Variants in PDE4D observed in about 807,000 individuals in gnomAD.
The protein encoded by PDE4D is phosphodiesterase 4D.
Under a neutral mutation model 87.4 loss-of-function variants are expected in PDE4D, and 24 were observed. That is an observed-to-expected ratio of 0.27 (90% confidence interval 0.20 to 0.39). PDE4D has a LOEUF of 0.39. Ranked by LOEUF, PDE4D falls within the 10% of genes least tolerant of loss-of-function variation. The pLI is 1.00. For missense variants in PDE4D, 714 were observed against 1,041.0 expected (o/e 0.69, Z 4.32); for synonymous variants, 384 against 383.2 (o/e 1.00, Z -0.02).
chr5:59,649,902 AACCTTTTTTTTT>A (rs1457782472), intron 1 of PDE4D, among the ~76,000 whole-genome samples: 3 of 43,794 alleles, frequency 6.9e-5, no homozygotes, highest in African/African-American at 1.8e-4. Flanking sequence ...ATAGTTTGTG[AACCTTTTTTTTT>A]TTTTTTTTTT....
chr5:59,636,523 C>A (rs1832267835), intron 1 of PDE4D, among the ~76,000 whole-genome samples: 1 of 152,166 alleles, frequency 6.6e-6, no homozygotes, highest in Non-Finnish European at 1.5e-5. Flanking sequence ...GCTACAGTAA[C>A]CACAACAGCA....
chr5:59,309,671 G>A (rs923735398), intron 1 of PDE4D, among the ~76,000 whole-genome samples: 1 of 152,128 alleles, frequency 6.6e-6, no homozygotes, highest in Non-Finnish European at 1.5e-5. Flanking sequence ...GTCCTCTCAA[G>A]GTTGCTGGTT....
intron 1 of PDE4D, among the ~76,000 whole-genome samples, chr5:59,715,704 G>A (rs2150530370): frequency 6.6e-6 from 1 of 152,360 alleles, no homozygotes; most frequent in African/African-American, 2.4e-5. Context: ...ACCTATGGGA[G>A]GAAGGATGAC....
At chr5:59,531,243 TC>T (rs1375815367) in intron 1 of PDE4D, among the ~76,000 whole-genome samples, 11 of 152,192 alleles carry the variant, frequency 7.2e-5, no homozygotes, top group Non-Finnish European at 1.6e-4. Flanking sequence ...GCTTTTAGCC[TC>T]CTGTTTCCTT....
At chr5:60,373,621 A>G (rs917520488) in intron 1 of PDE4D, among the ~76,000 whole-genome samples, 1 of 152,162 alleles carries the variant, frequency 6.6e-6, no homozygotes, top group South Asian at 2.1e-4. Context: ...TCCTGTTGCT[A>G]TTGTAACTAC....
At position 59,267,206 on chromosome 5, in the gene PDE4D, C is replaced by T. The variant is rs138204488; in HGVS notation, c.456-51238G>A. Among the ~76,000 whole-genome samples, 457 of 152,040 alleles carry T rather than the reference C, an allele frequency of 3.0e-3. 2 individuals are homozygous for T. Among genetic ancestry groups the T allele is most frequent in the African/African-American group, 0.01 (433 of 41,492 alleles). On this transcript the variant is annotated intron_variant, in intron 1 of 14. Transcript: ENST00000340635. Reference sequence around the variant, plus strand: ...CTGTTGCCTATCCCATGTTAGAATGCCATTGGTTAAAAGTGGACACATTTT... The same window carrying T: ...CTGTTGCCTATCCCATGTTAGAATGTCATTGGTTAAAAGTGGACACATTTT...
intron 1 of PDE4D, among the ~76,000 whole-genome samples, chr5:59,762,371 C>CATATGCGTAT (rs528637368): frequency 2.7e-5 from 2 of 74,176 alleles, no homozygotes; most frequent in African/African-American, 6.3e-5. Flanking sequence ...TATGGGTACA[C>CATATGCGTAT]ATGTGTATAT....
At chr5:59,325,423 G>A (rs1316885574) in intron 1 of PDE4D, among the ~76,000 whole-genome samples, 1 of 152,104 alleles carries the variant, frequency 6.6e-6, no homozygotes, top group Non-Finnish European at 1.5e-5. Flanking sequence ...AAATCTTCTT[G>A]CTACCTACGT....
At chr5:59,648,997 T>C (rs541320991) in intron 1 of PDE4D, among the ~76,000 whole-genome samples, 6 of 152,276 alleles carry the variant, frequency 3.9e-5, no homozygotes, top group African/African-American at 1.2e-4. Flanking sequence ...TTCTGCAGAG[T>C]AGGAAGTTGG....
intron 1 of PDE4D, among the ~76,000 whole-genome samples, chr5:59,891,297 T>A (rs1436656616): frequency 6.6e-6 from 1 of 152,200 alleles, no homozygotes; most frequent in Non-Finnish European, 1.5e-5. Context: ...TATTAAAAAA[T>A]GAAGTCAATT....
At chr5:60,400,521 CAA>C (rs56750243) in intron 1 of PDE4D, among the ~76,000 whole-genome samples, 2 of 62,328 alleles carry the variant, frequency 3.2e-5, no homozygotes, top group African/African-American at 8.8e-5. Context: ...GACTCCATCT[CAA>C]AAAAAAAAAA....
At chr5:59,472,783 T>G (rs1802650257) in intron 1 of PDE4D, among the ~76,000 whole-genome samples, 1 of 152,102 alleles carries the variant, frequency 6.6e-6, no homozygotes, top group African/African-American at 2.4e-5. Flanking sequence ...AAAGAGCTAA[T>G]ATTTTTACAA....
intron 1 of PDE4D, among the ~76,000 whole-genome samples, chr5:60,227,308 C>T (rs1486465146): frequency 2.6e-5 from 4 of 151,872 alleles, no homozygotes; most frequent in Non-Finnish European, 5.9e-5. Flanking sequence ...TTCAGTTGTG[C>T]ATAAAATATA....
rs183365798 is a variant in PDE4D at position 59,859,932 on chromosome 5, G to A, written c.455+33236C>T. Among the ~76,000 whole-genome samples the A allele has an allele frequency of 5.3e-5, 8 of 152,308 alleles. No individual in the cohort carries two copies. The East Asian group carries it at 5.8e-4, about 11-fold the overall frequency. On this transcript the variant is annotated intron_variant, in intron 1 of 14. Coordinates refer to ENST00000340635, the MANE Select transcript of PDE4D (RefSeq NM_001104631.2). ...CTAATGCTAAGGATGGGTGTGCAGG[G>A]ATTGTAGTTGGAAGAGGCCCACAGA... is the stretch of plus-strand genomic sequence containing the variant.
intron 2 of PDE4D, among the ~76,000 whole-genome samples, chr5:60,142,988 T>A (rs1780672920): frequency 6.6e-6 from 1 of 152,202 alleles, no homozygotes. Flanking sequence ...TTTTAACTAC[T>A]TTTATTTTGA....
At chr5:60,155,602 A>G (rs1781898124) in intron 2 of PDE4D, among the ~76,000 whole-genome samples, 1 of 152,236 alleles carries the variant, frequency 6.6e-6, no homozygotes, top group African/African-American at 2.4e-5. Context: ...ATATTTATCA[A>G]GCATCTACTA....
chr5:60,461,896 C>A (rs972296031), intron 1 of PDE4D, among the ~76,000 whole-genome samples: 5 of 152,184 alleles, frequency 3.3e-5, no homozygotes, highest in African/African-American at 9.7e-5. Context: ...AGTCTGGTGA[C>A]CAAGCATTAT....
At chr5:59,381,062 G>C (rs2153602777) in intron 1 of PDE4D, among the ~76,000 whole-genome samples, 1 of 152,236 alleles carries the variant, frequency 6.6e-6, no homozygotes, top group African/African-American at 2.4e-5. Flanking sequence ...CCTGGAGCTA[G>C]AGCTCTGATA....
intron 1 of PDE4D, among the ~76,000 whole-genome samples, chr5:59,302,189 G>T (rs1458232529): frequency 6.6e-6 from 1 of 152,104 alleles, no homozygotes; most frequent in Non-Finnish European, 1.5e-5. Flanking sequence ...CGCATGCAAG[G>T]ATTAGCCAAC....
Sources: gnomAD v4.1 joint callset for allele counts (sites outside exome capture counted in the v4.1 genomes callset) on GRCh38, gnomAD v4.1.1 for gene constraint, MANE v1.5 for transcripts, NCBI Gene and HGNC (gene_info 2026-07-23, HGNC 2026-07-21) for gene names.